The following LRP1B variants were observed in gnomAD, a reference collection of about 807,000 sequenced individuals.
LRP1B encodes low-density lipoprotein receptor-related protein 1B.
LRP1B carries 217 observed loss-of-function variants against 556.6 expected under a neutral mutation model. The ratio of observed to expected loss-of-function variants is 0.39; its 90% CI spans 0.35 to 0.44. LRP1B has a LOEUF of 0.44. Among genes scored for constraint, LRP1B ranks in the 20% least tolerant of loss-of-function variants. LRP1B has a pLI of 1.00. For missense variants in LRP1B, 5,053 were observed against 5,620.8 expected (o/e 0.90, Z 3.23); for synonymous variants, 2,047 against 1,865.8 (o/e 1.10, Z -2.50).
intron 1 of LRP1B, among the ~76,000 whole-genome samples, chr2:141,866,758 CTG>C (rs1238180298): frequency 1.4e-5 from 2 of 146,838 alleles, no homozygotes; most frequent in Non-Finnish European, 3.0e-5. Context: ...GGAAACAAAA[CTG>C]GAAGAGGAGA....
At chr2:140,533,921 T>C in intron 47 of LRP1B, 100 bp downstream of exon 47, 1 of 1,235,602 alleles carries the variant, frequency 8.1e-7, no homozygotes, top group Non-Finnish European at 1.1e-6. Flanking sequence ...TAGATGTTAC[T>C]AGGTGTTATA....
chr2:140,819,646 G>A (rs1049556877), intron 31 of LRP1B, among the ~76,000 whole-genome samples: 22 of 152,054 alleles, frequency 1.4e-4, no homozygotes, highest in Non-Finnish European at 2.8e-4. Context: ...ATAAAAAGAT[G>A]TTCAATATCA....
chr2:141,745,196 C>T (rs1378942163), intron 2 of LRP1B, among the ~76,000 whole-genome samples: 1 of 152,034 alleles, frequency 6.6e-6, no homozygotes, highest in East Asian at 1.9e-4. Context: ...TACCTGGCTA[C>T]CACCTATGTT....
At chr2:141,056,500 C>A (rs1699181984) in intron 9 of LRP1B, among the ~76,000 whole-genome samples, 1 of 151,836 alleles carries the variant, frequency 6.6e-6, no homozygotes, top group African/African-American at 2.4e-5. Context: ...TCTTCTCTCT[C>A]TCAAACCCAT....
intron 2 of LRP1B, among the ~76,000 whole-genome samples, chr2:141,768,219 T>G (rs1694790206): frequency 1.3e-5 from 2 of 152,168 alleles, no homozygotes; most frequent in African/African-American, 4.8e-5. Context: ...CTTCAATGGC[T>G]TATCATACAG....
intron 7 of LRP1B, among the ~76,000 whole-genome samples, chr2:141,143,937 C>A (rs1158512385): frequency 6.6e-6 from 1 of 151,706 alleles, no homozygotes; most frequent in Non-Finnish European, 1.5e-5. Context: ...AGAACCAGGT[C>A]TTTTGCCTTC....
chr2:141,044,381 C>G (rs957929454), intron 11 of LRP1B, among the ~76,000 whole-genome samples: 13 of 151,782 alleles, frequency 8.6e-5, no homozygotes, highest in Non-Finnish European at 1.9e-4. Flanking sequence ...ATGTCTAAAA[C>G]ACCAAAAGCA....
intron 41 of LRP1B, among the ~76,000 whole-genome samples, chr2:140,680,430 T>C (rs1574233597): frequency 1.3e-5 from 2 of 152,124 alleles, no homozygotes; most frequent in African/African-American, 4.8e-5. Context: ...CACATTAGTA[T>C]GGGAACAAAA....
chr2:141,433,484 G>C (rs1262902980), intron 3 of LRP1B, among the ~76,000 whole-genome samples: 1 of 151,944 alleles, frequency 6.6e-6, no homozygotes, highest in African/African-American at 2.4e-5. Flanking sequence ...GAGAATTGTT[G>C]TACTAAGTTC....
At chr2:141,058,326 C>A (rs891763776) in intron 9 of LRP1B, among the ~76,000 whole-genome samples, 1 of 151,752 alleles carries the variant, frequency 6.6e-6, no homozygotes, top group African/African-American at 2.4e-5. Flanking sequence ...TTTTTATATT[C>A]TCTTTTTTTA....
intron 43 of LRP1B, among the ~76,000 whole-genome samples, chr2:140,593,769 C>T (rs951730401): frequency 2.0e-5 from 3 of 151,898 alleles, no homozygotes; most frequent in Non-Finnish European, 4.4e-5. Flanking sequence ...GTTTATTAAA[C>T]TTCAGATTAA....
intron 7 of LRP1B, among the ~76,000 whole-genome samples, chr2:141,106,219 A>G (rs1198118530): frequency 6.6e-6 from 1 of 152,178 alleles, no homozygotes; most frequent in Non-Finnish European, 1.5e-5. Context: ...TTAAATATTT[A>G]TGTCATCGAC....
At chr2:140,576,743 C>T (rs1027709295) in intron 43 of LRP1B, among the ~76,000 whole-genome samples, 1 of 152,152 alleles carries the variant, frequency 6.6e-6, no homozygotes, top group African/African-American at 2.4e-5. Context: ...GTAGTCTACA[C>T]CTGCGGGGAC....
At chr2:141,556,472 A>G (rs1382968156) in intron 2 of LRP1B, among the ~76,000 whole-genome samples, 1 of 151,948 alleles carries the variant, frequency 6.6e-6, no homozygotes, top group Non-Finnish European at 1.5e-5. Flanking sequence ...TACATTCACC[A>G]TCTGCATGAT....
intron 83 of LRP1B, among the ~76,000 whole-genome samples, chr2:140,301,353 A>C (rs1683811946): frequency 6.6e-6 from 1 of 152,110 alleles, no homozygotes; most frequent in Admixed American, 6.6e-5. Context: ...GCTTCTAAAC[A>C]TGCTCAATTC....
At chr2:140,849,175 T>C (rs1266821014) in intron 29 of LRP1B, among the ~76,000 whole-genome samples, 1 of 126,994 alleles carries the variant, frequency 7.9e-6, no homozygotes, top group Non-Finnish European at 1.6e-5. Flanking sequence ...GCCAAGATGC[T>C]GAAACCCTGT....
intron 1 of LRP1B, among the ~76,000 whole-genome samples, chr2:141,863,485 T>A (rs1473700993): frequency 6.6e-6 from 1 of 152,222 alleles, no homozygotes; most frequent in Non-Finnish European, 1.5e-5. Flanking sequence ...TGAGATCAGC[T>A]GAATCTAGAT....
chr2:141,660,080 A>G lies in LRP1B; in HGVS notation c.205+150199T>C, dbSNP rs146139315. Among the ~76,000 whole-genome samples, 206 of 151,926 alleles carry G rather than the reference A, an allele frequency of 1.4e-3. 1 individual carries two copies. The highest frequency in any genetic ancestry group is 4.8e-3 in the African/African-American group (198 of 41,452). On this transcript the variant is annotated intron_variant, in intron 2 of 90. Coordinates refer to ENST00000389484, the MANE Select transcript of LRP1B (RefSeq NM_018557.3). ...ACAGCTGCAGTCGGAGTCTCCCACC[A>G]AGAAGAAGGGAGAATGGAGAGTGAA... is the stretch of plus-strand genomic sequence containing the variant.
At chr2:141,408,141 A>ATTTTTTTT (rs35914905) in intron 3 of LRP1B, among the ~76,000 whole-genome samples, 2 of 123,970 alleles carry the variant, frequency 1.6e-5, no homozygotes, top group Non-Finnish European at 3.2e-5. Flanking sequence ...ATTTGGTTCA[A>ATTTTTTTT]TTTTTTTTTT....
Sources: gnomAD v4.1 joint callset for allele counts (sites outside exome capture counted in the v4.1 genomes callset) on GRCh38, gnomAD v4.1.1 for gene constraint, MANE v1.5 for transcripts, NCBI Gene and HGNC (gene_info 2026-07-23, HGNC 2026-07-21) for gene names.